Variants in SSR4 observed in about 807,000 individuals in gnomAD.
SSR4 encodes the protein signal sequence receptor subunit 4.
For missense variants in SSR4, 125 were observed against 148.8 expected (o/e 0.84, Z 0.83); for synonymous variants, 84 against 65.6 (o/e 1.28, Z -1.35).
upstream of SSR4, chrX:153,794,252 G>A (rs782493818): frequency 1.0e-5 from 12 of 1,194,428 alleles, no homozygotes; most frequent in Non-Finnish European, 1.2e-5. Context: ...TCACCTCCCA[G>A]GGACGGCAGA....
chrX:153,795,385 G>A (rs1360968411), intron 1 of SSR4: 1 of 113,150 alleles, frequency 8.8e-6, no homozygotes, highest in Non-Finnish European at 1.9e-5. Context: ...ACTGGACAGG[G>A]GCGGCTTTCT....
At chrX:153,796,231 T>G (rs2092140140) in intron 1 of SSR4, 3 of 415,385 alleles carry the variant, frequency 7.2e-6, no homozygotes, top group South Asian at 3.7e-5. Context: ...TCCCCAGCCT[T>G]CCTTCACAGC....
upstream of SSR4, chrX:153,794,310 G>C: frequency 8.4e-7 from 1 of 1,197,503 alleles, no homozygotes; most frequent in Non-Finnish European, 1.1e-6. Context: ...GGCGACGGTC[G>C]CTACCTTCAG....
chrX:153,797,416 A>T (rs2092148250), intron 2 of SSR4, 42 bp from the exon 3 acceptor site: 1 of 1,139,897 alleles, frequency 8.8e-7, no homozygotes. Context: ...GCCCACACCC[A>T]GAGGGGGCAG....
rs782797783 is a variant in SSR4 at position 153,797,576 on chromosome X, G to A, written c.261+44G>A. The A allele has an allele frequency of 7.1e-5, 83 of 1,167,596 alleles. No homozygotes were observed. In the South Asian group the frequency reaches 9.2e-4, roughly 13 times the overall value. ...CCTTGCTAGGGGGCTCCCTGCTCCC[G>A]GGTGTGACCTGAAGCCCCAGGGGTG... On this transcript the variant is annotated intron_variant, in intron 3 of 5. Transcript: ENST00000370086.
At chrX:153,798,000 T>TGCCCAAC in intron 4 of SSR4, 71 bp from the exon 5 acceptor site, 1 of 704,005 alleles carries the variant, frequency 1.4e-6, no homozygotes, top group Non-Finnish European at 2.3e-6. Context: ...TACCTGTCTT[T>TGCCCAAC]CCCCTCCCCT....
chrX:153,796,275 G>A (rs1603257785), intron 1 of SSR4, 159 bp from the exon 2 acceptor site: 4 of 438,473 alleles, frequency 9.1e-6, no homozygotes, highest in East Asian at 3.8e-5. Context: ...ATTTGTGACC[G>A]AGCACTTGGA....
chrX:153,796,474 C>T lies in SSR4; in HGVS notation c.108C>T (p.Tyr36=). ...AGCCCCAGATCACCCCTTCCTACTA[C>T]ACCACTTCTGACGCTGTCATTTCCA... ...CLEPQITPSY[Y]TTSDAVISTE... The change falls in exon 2 of 6, where the codon TAC becomes TAT. Residue 36 remains tyrosine, a synonymous_variant. Coordinates refer to ENST00000370086, the MANE Select transcript of SSR4 (RefSeq NM_006280.3). 8.3e-7 allele frequency: 1 copy of T among 1,211,710 alleles called. No individual in the cohort carries two copies. The highest frequency in any genetic ancestry group is 1.1e-6 in the Non-Finnish European group (1 of 895,167).
chrX:153,796,681 C>T (rs1232782500), intron 2 of SSR4, 129 bp downstream of exon 2: 1 of 531,424 alleles, frequency 1.9e-6, no homozygotes, highest in Non-Finnish European at 3.3e-6. Context: ...GATCAGGGCA[C>T]GGTGATGCCA....
intron 4 of SSR4, 76 bp downstream of exon 4, chrX:153,797,890 C>CA: frequency 1.1e-6 from 1 of 941,304 alleles, no homozygotes; most frequent in Non-Finnish European, 1.5e-6. Flanking sequence ...GTGCTGGCAG[C>CA]AAGTCCTGAG....
chrX:153,797,875 G>C (rs1354076200), intron 4 of SSR4, 61 bp downstream of exon 4: 1 of 1,004,752 alleles, frequency 1.0e-6, no homozygotes, highest in East Asian at 3.2e-5. Context: ...GGGCTGGGTT[G>C]GGAGGTGCTG....
intron 4 of SSR4, 67 bp from the exon 5 acceptor site, chrX:153,798,000 TCCCC>T: frequency 4.3e-6 from 3 of 703,988 alleles, no homozygotes; most frequent in Non-Finnish European, 6.8e-6. Flanking sequence ...TACCTGTCTT[TCCCC>T]TCCCCTCCCC....
Position 153,797,547 on chromosome X carries a change from G to A in SSR4, c.261+15G>A, listed in dbSNP as rs373968819. On this transcript the variant is annotated intron_variant, in intron 3 of 5. Transcript: ENST00000370086. ...GGCGTTATCAGGTGAGGGGCCAATG[G>A]TTCCCTTGCTAGGGGGCTCCCTGCT... 1.1e-4 allele frequency: 129 copies of A among 1,202,989 alleles called. No individual in the cohort carries two copies. Among genetic ancestry groups the A allele is most frequent in the South Asian group, 3.7e-4 (21 of 56,666 alleles).
intron 1 of SSR4, chrX:153,796,189 C>A (rs1340546688): frequency 2.5e-6 from 1 of 393,270 alleles, no homozygotes; most frequent in Non-Finnish European, 4.5e-6. Flanking sequence ...GTTCGCTCTT[C>A]CTGCACACCT....
At chrX:153,794,268 G>T (rs2092123653), upstream of SSR4, 3 of 1,199,771 alleles carry the variant, frequency 2.5e-6, no homozygotes, top group South Asian at 3.5e-5. Context: ...GCAGAGAAGG[G>T]CTGGCCCGAG....
At chrX:153,797,632 T>C (rs2092149709) in intron 3 of SSR4, 93 bp from the exon 4 acceptor site, 2 of 1,110,773 alleles carry the variant, frequency 1.8e-6, no homozygotes, top group Non-Finnish European at 2.5e-6. Context: ...GGCCGTGGGC[T>C]CTGGCTGCCG....
chrX:153,794,832 G>C, intron 1 of SSR4, 78 bp downstream of exon 1: 3 of 1,105,508 alleles, frequency 2.7e-6, no homozygotes, highest in Non-Finnish European at 3.6e-6. Flanking sequence ...AGGGATGCGG[G>C]GGTCCGGCCT....
intron 1 of SSR4, chrX:153,795,986 C>T: frequency 2.7e-6 from 1 of 368,277 alleles, no homozygotes; most frequent in Non-Finnish European, 3.5e-6. Context: ...GACCCTTTCT[C>T]TCATCTTGAA....
chrX:153,796,929 G>A (rs2092145289), intron 2 of SSR4: 1 of 191,736 alleles, frequency 5.2e-6, no homozygotes, highest in Admixed American at 6.9e-5. Context: ...TGCCTCAGCT[G>A]GAGTGCATTG....
Sources: allele counts gnomAD v4.1 joint callset, GRCh38; gene constraint gnomAD v4.1.1; transcripts MANE v1.5; gene names NCBI Gene and HGNC (gene_info 2026-07-23, HGNC 2026-07-21).